The following LRP1B variants were observed in gnomAD, a reference collection of about 807,000 sequenced individuals.
LRP1B encodes the protein low-density lipoprotein receptor-related protein 1B.
Under a neutral mutation model 556.6 loss-of-function variants are expected in LRP1B, and 217 were observed. The ratio of observed to expected loss-of-function variants is 0.39; its 90% CI spans 0.35 to 0.44. The LOEUF (loss-of-function observed/expected upper bound fraction) is 0.44. Among genes scored for constraint, LRP1B ranks in the 20% least tolerant of loss-of-function variants. The pLI is 1.00. For missense variants in LRP1B, 5,053 were observed against 5,620.8 expected (o/e 0.90, Z 3.23); for synonymous variants, 2,047 against 1,865.8 (o/e 1.10, Z -2.50).
chr2:140,987,980 G>A (rs544302793), intron 17 of LRP1B, among the ~76,000 whole-genome samples: 12 of 151,378 alleles, frequency 7.9e-5, no homozygotes, highest in Middle Eastern at 3.4e-3. Context: ...CAAGACTGTC[G>A]AAAAAAAAGA....
chr2:142,093,466 G>C (rs1449482), intron 1 of LRP1B, among the ~76,000 whole-genome samples: 75,233 of 151,890 alleles, frequency 0.5, 18,988 homozygotes, highest in East Asian at 0.69. Flanking sequence ...ACGTTCTCTT[G>C]AAAAGGCAAA....
At chr2:140,989,429 C>A in intron 17 of LRP1B, 103 bp downstream of exon 17, 1 of 1,211,872 alleles carries the variant, frequency 8.3e-7, no homozygotes, top group South Asian at 1.3e-5. Flanking sequence ...ATAATCAGAT[C>A]ATCAGCACTA....
chr2:141,963,663 A>C (rs1025264384), intron 1 of LRP1B, among the ~76,000 whole-genome samples: 1 of 150,838 alleles, frequency 6.6e-6, no homozygotes, highest in African/African-American at 2.4e-5. Context: ...AACTGGAAGC[A>C]TTCCCTTTGA....
chr2:140,266,256 A>G (rs1682199477), intron 86 of LRP1B, among the ~76,000 whole-genome samples: 1 of 151,996 alleles, frequency 6.6e-6, no homozygotes, highest in Non-Finnish European at 1.5e-5. Context: ...TGCTTCCAAA[A>G]CATCTTTCAC....
intron 71 of LRP1B, among the ~76,000 whole-genome samples, chr2:140,368,335 C>T (rs1682853454): frequency 6.6e-6 from 1 of 151,762 alleles, no homozygotes; most frequent in Admixed American, 6.6e-5. Flanking sequence ...TGGTCAAGTG[C>T]ATCATCACAG....
At chr2:140,975,881 A>G (rs936132330) in intron 18 of LRP1B, among the ~76,000 whole-genome samples, 1 of 152,082 alleles carries the variant, frequency 6.6e-6, no homozygotes. Flanking sequence ...TTCCATTTTG[A>G]TAGCTGAAAC....
intron 2 of LRP1B, among the ~76,000 whole-genome samples, chr2:141,544,896 G>T (rs1452067991): frequency 6.6e-6 from 1 of 151,594 alleles, no homozygotes; most frequent in East Asian, 2.0e-4. Flanking sequence ...AAACTCCTGG[G>T]CTCAAGATAT....
intron 2 of LRP1B, among the ~76,000 whole-genome samples, chr2:141,514,395 G>T (rs183573161): frequency 7.2e-5 from 11 of 152,176 alleles, no homozygotes; most frequent in Non-Finnish European, 1.5e-4. Flanking sequence ...CCCCTTTCTC[G>T]TTGGCCCTGC....
intron 87 of LRP1B, among the ~76,000 whole-genome samples, chr2:140,243,508 C>T (rs1017077412): frequency 6.0e-5 from 9 of 151,204 alleles, no homozygotes; most frequent in African/African-American, 2.2e-4. Flanking sequence ...TGACATGTTG[C>T]TCTATACCCT....
At chr2:141,228,607 GTGTA>G (rs1324173758) in intron 6 of LRP1B, among the ~76,000 whole-genome samples, 2 of 150,774 alleles carry the variant, frequency 1.3e-5, no homozygotes, top group South Asian at 2.1e-4. Context: ...GTGTGTGTGT[GTGTA>G]TGTGTGACAA....
Position 141,965,798 on chromosome 2 carries a change from CAA to C in LRP1B, c.83-155399_83-155398del, listed in dbSNP as rs201872645. Among the ~76,000 whole-genome samples, 350 of 98,594 alleles carry C rather than the reference CAA, an allele frequency of 3.5e-3. 3 individuals carry two copies. The highest frequency in any genetic ancestry group is 0.012 in the African/African-American group (306 of 25,740). The allele number at this position is 98,594 out of a possible 152,430, so 64.7% of individuals were successfully genotyped here. ...ATAAATAAATAAATAAATATGTATCCAAAAAAAAAAAAAAAGAAAATTGTTTT... is the reference window on the plus strand; with the variant it reads ...ATAAATAAATAAATAAATATGTATCCAAAAAAAAAAAAAGAAAATTGTTTT... On this transcript the variant is annotated intron_variant, in intron 1 of 90. Coordinates refer to ENST00000389484, the MANE Select transcript of LRP1B (RefSeq NM_018557.3).
Position 141,019,986 on chromosome 2 carries a change from G to A in LRP1B, c.1906C>T (p.Arg636Trp), listed in dbSNP as rs766132339. ...VARLEKASQS[R>W]KTLLEGEMSH... ...ATTTCACCCTCTAAAAGAGTCTTCC[G>A]ACTCTGAGAAGCTTTTTCCAGCCTG... The change falls in exon 12 of 91, where the codon CGG becomes TGG. Residue 636 changes from arginine to tryptophan, a missense_variant. By Grantham distance (101) the Arg-to-Trp change is moderately radical (BLOSUM62 -3). This residue lies in a region of LRP1B where 3,619 missense variants were observed against 3,931.9 expected (regional missense o/e 0.92). Transcript: ENST00000389484. The A allele has an allele frequency of 5.6e-6, 9 of 1,611,722 alleles. No individual in the cohort carries two copies. The highest frequency in any genetic ancestry group is 5.3e-5 in the African/African-American group (4 of 74,860).
chr2:141,645,637 G>GTT (rs201433095), intron 2 of LRP1B, among the ~76,000 whole-genome samples: 1 of 150,436 alleles, frequency 6.6e-6, no homozygotes, highest in Non-Finnish European at 1.5e-5. Context: ...GCATCAACAT[G>GTT]TTTTTTTTTC....
rs931721402 is a variant in LRP1B at position 140,657,329 on chromosome 2, T to C, written c.6799+42921A>G. Among the ~76,000 whole-genome samples the C allele has an allele frequency of 1.2e-4, 19 of 152,016 alleles. 1 individual carries two copies. Among genetic ancestry groups the C allele is most frequent in the African/African-American group, 4.6e-4 (19 of 41,550 alleles). On this transcript the variant is annotated intron_variant, in intron 41 of 90. Transcript: ENST00000389484. ...ACTGAAAATCATTATAACTGCCCTA[T>C]TGAGAAAAGAGAAAGAGAGGCCCAG...
In LRP1B at chr2:140,232,374, C is replaced by T. The variant is rs1680511209; in HGVS notation, c.*812G>A. 6.6e-6 allele frequency: 1 copy of T among 151,446 alleles called. No homozygotes were observed. The highest frequency in any genetic ancestry group is 1.5e-5 in the Non-Finnish European group (1 of 67,562). 9.4% of individuals were successfully genotyped at this position (151,446 alleles called of 1,614,324 possible). ...ACCTAAGATGCAAGTACCCAATGCC[C>T]TGTTGTGCTCTAGGCTGGCTATTTA... On this transcript the variant is annotated 3_prime_UTR_variant, in exon 91 of 91. Coordinates refer to ENST00000389484, the MANE Select transcript of LRP1B (RefSeq NM_018557.3).
chr2:140,578,257 T>C (rs1241403171), intron 43 of LRP1B, among the ~76,000 whole-genome samples: 3 of 112,822 alleles, frequency 2.7e-5, no homozygotes, highest in African/African-American at 8.3e-5. Flanking sequence ...GCTAAAACAC[T>C]TACAGTTTTT....
intron 3 of LRP1B, among the ~76,000 whole-genome samples, chr2:141,403,801 T>G (rs1296515151): frequency 6.6e-6 from 1 of 152,166 alleles, no homozygotes; most frequent in Non-Finnish European, 1.5e-5. Context: ...GCTCATTTTT[T>G]AGTGTGGCTT....
chr2:140,551,474 G>C (rs1680545819), intron 43 of LRP1B, among the ~76,000 whole-genome samples: 1 of 152,122 alleles, frequency 6.6e-6, no homozygotes, highest in South Asian at 2.1e-4. Context: ...AGACATCTGA[G>C]AAGGACACAG....
At chr2:140,436,115 A>G (rs547674199) in intron 66 of LRP1B, among the ~76,000 whole-genome samples, 1 of 152,296 alleles carries the variant, frequency 6.6e-6, no homozygotes, top group East Asian at 1.9e-4. Flanking sequence ...AACACATGAT[A>G]TATCAAAAAT....
Sources: gnomAD v4.1 joint callset for allele counts (sites outside exome capture counted in the v4.1 genomes callset) on GRCh38, gnomAD v4.1.1 for gene constraint, gnomAD v4.1.1 regional missense constraint, MANE v1.5 for transcripts, NCBI Gene and HGNC (gene_info 2026-07-23, HGNC 2026-07-21) for gene names.